Variants in CFAP99 observed in about 807,000 individuals in gnomAD.
CFAP99 encodes cilia and flagella associated protein 99.
CFAP99 carries 84 observed loss-of-function variants against 82.7 expected under a neutral mutation model. The observed-to-expected ratio is 1.02, with a 90% CI of 0.85 to 1.22. The LOEUF (loss-of-function observed/expected upper bound fraction) is 1.22. CFAP99 is among the 50% of genes most tolerant of loss of function. The pLI is 0.00. For missense variants in CFAP99, 1,059 were observed against 983.5 expected (o/e 1.08, Z -1.03); for synonymous variants, 456 against 429.5 (o/e 1.06, Z -0.76).
At chr4:2,440,535 T>C (rs2108723033) in intron 4 of CFAP99, among the ~76,000 whole-genome samples, 1 of 152,010 alleles carries the variant, frequency 6.6e-6, no homozygotes, top group Non-Finnish European at 1.5e-5. Context: ...GAAGTTTGCT[T>C]GAGCCCAGGA....
intron 11 of CFAP99, among the ~76,000 whole-genome samples, chr4:2,453,204 C>T (rs1734342976): frequency 1.3e-5 from 2 of 152,192 alleles, no homozygotes. Context: ...TTCTGGATTA[C>T]CTTTCCCGTC....
intron 5 of CFAP99, 37 bp downstream of exon 5, chr4:2,443,279 C>A: frequency 7.5e-7 from 1 of 1,339,546 alleles, no homozygotes; most frequent in Non-Finnish European, 1.0e-6. Flanking sequence ...CCCTGAATGG[C>A]ATCTGCACCC....
chr4:2,447,404 G>A (rs559141316), intron 6 of CFAP99, among the ~76,000 whole-genome samples: 1 of 151,838 alleles, frequency 6.6e-6, no homozygotes, highest in Non-Finnish European at 1.5e-5. Flanking sequence ...ATGGTAGGAT[G>A]GTGGGTGGGT....
intron 13 of CFAP99, among the ~76,000 whole-genome samples, chr4:2,459,721 C>A (rs1208322012): frequency 1.3e-5 from 2 of 152,194 alleles, no homozygotes; most frequent in African/African-American, 4.8e-5. Context: ...CCTGGCCCAG[C>A]CCCGAGGCCA....
chr4:2,438,794 C>A (rs1307214608), intron 4 of CFAP99, among the ~76,000 whole-genome samples: 5 of 152,044 alleles, frequency 3.3e-5, no homozygotes, highest in Admixed American at 1.3e-4. Context: ...ACAACAACAA[C>A]AACAAAAAAC....
chr4:2,434,065 C>G (rs1317932561), intron 2 of CFAP99, among the ~76,000 whole-genome samples: 1 of 152,204 alleles, frequency 6.6e-6, no homozygotes, highest in Non-Finnish European at 1.5e-5. Context: ...GCCAGGAAGA[C>G]AGACCGAGAG....
At chr4:2,437,867 A>T (rs1203454902) in intron 3 of CFAP99, among the ~76,000 whole-genome samples, 1 of 152,222 alleles carries the variant, frequency 6.6e-6, no homozygotes, top group African/African-American at 2.4e-5. Flanking sequence ...ATTATTTGTC[A>T]AAGTGCTTTG....
rs577297690 is a variant in CFAP99 at position 2,435,182 on chromosome 4, C to T, written c.112-1692C>T. Reference sequence around the variant, plus strand: ...CGTGGGTGGCTGGAGCCTGTAGTCCCAGCTGTTCGGGAGGCTGAGGCAGGA... The same window carrying T: ...CGTGGGTGGCTGGAGCCTGTAGTCCTAGCTGTTCGGGAGGCTGAGGCAGGA... On this transcript the variant is annotated intron_variant, in intron 2 of 14. Coordinates refer to ENST00000635017, the Ensembl canonical transcript of CFAP99. 1.6e-3 allele frequency among the ~76,000 whole-genome samples: 244 copies of T among 151,816 alleles called. 2 individuals carry two copies. Among genetic ancestry groups the T allele is most frequent in the Non-Finnish European group, 2.3e-3 (154 of 67,966 alleles).
intron 13 of CFAP99, among the ~76,000 whole-genome samples, 173 bp from the exon 14 acceptor site, chr4:2,459,864 G>C (rs919390417): frequency 6.6e-6 from 1 of 152,240 alleles, no homozygotes; most frequent in Non-Finnish European, 1.5e-5. Context: ...ACAAGGTGTA[G>C]TGTTGCAGAG....
intron 4 of CFAP99, among the ~76,000 whole-genome samples, chr4:2,442,435 G>A (rs890133353): frequency 2.0e-5 from 3 of 152,052 alleles, no homozygotes; most frequent in Non-Finnish European, 2.9e-5. Context: ...GTGGAGGCCC[G>A]AGGGGAGGCT....
In CFAP99 at chr4:2,443,104, C is replaced by G. The variant is rs79462683; in HGVS notation, c.352-26C>G. On this transcript the variant is annotated intron_variant, in intron 4 of 14. Coordinates refer to ENST00000635017, the Ensembl canonical transcript of CFAP99. ...GAGGGGTTGGGCCCAGGGCTCCGGC[C>G]CCCTGACAGCCCCCGTCCACCCCAG... The G allele has an allele frequency of 8.1e-4, 1,052 of 1,303,986 alleles. 5 individuals carry two copies. In the African/African-American group the frequency reaches 0.014, roughly 17 times the overall value. The allele number at this position is 1,303,986 out of a possible 1,614,324, so 80.8% of individuals were successfully genotyped here.
intron 2 of CFAP99, chr4:2,427,037 G>A (rs1185918293): frequency 2.6e-5 from 5 of 191,452 alleles, no homozygotes; most frequent in South Asian, 2.2e-4. Flanking sequence ...CTGGGTCTCC[G>A]ACAGAGGCAG....
rs1734514784 is a variant in CFAP99, at chr4:2,459,199, C to A, written c.1396C>A (p.Gln466Lys). The A allele has an allele frequency of 2.0e-6, 3 of 1,535,722 alleles. No homozygotes were observed. The East Asian group carries it at 7.3e-5, about 38-fold the overall frequency. The stretch of plus-strand genomic sequence containing the variant: ...GCGGCGCCGTTGTGAACTCATCTCC[C>A]AGCTGCGCGCACTCGAGACACAGCC... The change falls in exon 13 of 15, where the codon CAG becomes AAG. Residue 466 changes from glutamine to lysine, a missense_variant. By Grantham distance (53) the Gln-to-Lys change is moderately conservative (BLOSUM62 1). Coordinates refer to ENST00000635017, the Ensembl canonical transcript of CFAP99.
chr4:2,456,567 T>G lies in CFAP99; in HGVS notation c.1162-2156T>G, dbSNP rs546292561. On this transcript the variant is annotated intron_variant, in intron 11 of 14. Coordinates refer to ENST00000635017, the Ensembl canonical transcript of CFAP99. ...GGAGTTTCACTCTTGTTGCCTAGGC[T>G]GGAGTGCAATGGTGCGATCTCGGCT... is the stretch of plus-strand genomic sequence containing the variant. Among the ~76,000 whole-genome samples the G allele has an allele frequency of 6.6e-5, 10 of 152,340 alleles. 1 individual carries two copies. In the South Asian group the frequency reaches 2.1e-3, roughly 32 times the overall value.
chr4:2,423,545 G>A (rs1172076034), intron 1 of CFAP99, among the ~76,000 whole-genome samples: 1 of 152,188 alleles, frequency 6.6e-6, no homozygotes, highest in South Asian at 2.1e-4. Flanking sequence ...GTGGGGTGTG[G>A]GTGGTCTCTC....
intron 1 of CFAP99, among the ~76,000 whole-genome samples, chr4:2,420,463 G>T (rs905251210): frequency 6.6e-6 from 1 of 152,020 alleles, no homozygotes; most frequent in African/African-American, 2.4e-5. Flanking sequence ...ACAGGATCTT[G>T]GGGTAGACAC....
At chr4:2,459,851 C>T (rs1257461157) in intron 13 of CFAP99, among the ~76,000 whole-genome samples, 186 bp from the exon 14 acceptor site, 1 of 152,226 alleles carries the variant, frequency 6.6e-6, no homozygotes, top group Non-Finnish European at 1.5e-5. Context: ...TGTGCAGACC[C>T]ACACAAGGTG....
At chr4:2,442,587 C>G (rs920640010) in intron 4 of CFAP99, among the ~76,000 whole-genome samples, 1 of 152,148 alleles carries the variant, frequency 6.6e-6, no homozygotes, top group Admixed American at 6.5e-5. Context: ...AACTCCCTGC[C>G]CCCAAGACCA....
At position 2,442,453 on chromosome 4, in the gene CFAP99, A is replaced by T. The variant is rs575748115; in HGVS notation, c.352-677A>T. Among the ~76,000 whole-genome samples the T allele has an allele frequency of 3.3e-3, 503 of 151,864 alleles. 3 individuals carry two copies. The highest frequency in any genetic ancestry group is 0.012 in the African/African-American group (477 of 41,392). Reference sequence around the variant, plus strand: ...GAGGCCCGAGGGGAGGCTGCTGGGGAGGGTGGCCACCCTGGGGAGGCACAG... The same window carrying T: ...GAGGCCCGAGGGGAGGCTGCTGGGGTGGGTGGCCACCCTGGGGAGGCACAG... On this transcript the variant is annotated intron_variant, in intron 4 of 14. Transcript: ENST00000635017.
Sources: allele counts gnomAD v4.1 joint callset (sites outside exome capture counted in the v4.1 genomes callset), GRCh38; gene constraint gnomAD v4.1.1; transcripts MANE v1.5; gene names NCBI Gene and HGNC (gene_info 2026-07-23, HGNC 2026-07-21).